ZNF112: variants seen among roughly 807,000 people sequenced by gnomAD.
ZNF112 encodes zinc finger protein 112, also known as zinc finger protein 112 (Y14).
In ZNF112, 37 loss-of-function variants were observed where a neutral mutation model predicts 77.7. The observed-to-expected ratio is 0.48, with a 90% CI of 0.37 to 0.63. The LOEUF is 0.63. ZNF112 is among the 20% of genes least tolerant of loss of function. ZNF112 has a pLI of 0.00. For missense variants in ZNF112, 950 were observed against 1,077.4 expected (o/e 0.88, Z 1.66); for synonymous variants, 333 against 363.6 (o/e 0.92, Z 0.96).
chr19:44,353,814 G>A (rs1970735588), intron 1 of ZNF112, among the ~76,000 whole-genome samples: 2 of 152,040 alleles, frequency 1.3e-5, no homozygotes, highest in Admixed American at 6.5e-5. Context: ...AGATACTACA[G>A]TTTGGCATCT....
intron 1 of ZNF112, chr19:44,341,267 T>C (rs1970484862): frequency 2.2e-6 from 1 of 449,408 alleles, no homozygotes; most frequent in South Asian, 1.6e-5. Context: ...AGAGAACTAA[T>C]GGTCTAGAAT....
chr19:44,357,937 G>C (rs1970811811), upstream of ZNF112, among the ~76,000 whole-genome samples: 1 of 151,966 alleles, frequency 6.6e-6, no homozygotes, highest in Admixed American at 6.6e-5. Flanking sequence ...ATGCTCACGG[G>C]GTCAGGAGAT....
At chr19:44,330,386 C>T (rs1008736875) in intron 3 of ZNF112, among the ~76,000 whole-genome samples, 2 of 152,192 alleles carry the variant, frequency 1.3e-5, no homozygotes, top group Non-Finnish European at 2.9e-5. Flanking sequence ...AAAATCAGGA[C>T]TTTGCAGCAC....
Position 44,336,721 on chromosome 19 carries a change from G to A in ZNF112, c.125-3C>T, listed in dbSNP as rs555984058. 1.0e-4 allele frequency: 162 copies of A among 1,613,582 alleles called. 2 individuals carry two copies. The highest frequency in any genetic ancestry group is 9.9e-4 in the Middle Eastern group (6 of 6,056). On this transcript the variant is annotated splice_polypyrimidine_tract_variant and splice_region_variant and intron_variant, in intron 2 of 3. Transcript: ENST00000354340. ...GTCTGGCTTGAAGGGCTGATGTGCT[G>A]TAAAGAAGGAAAGGACAGCAAAAGT...
At chr19:44,356,948 A>T (rs1184501477), upstream of ZNF112, among the ~76,000 whole-genome samples, 1 of 152,184 alleles carries the variant, frequency 6.6e-6, no homozygotes, top group African/African-American at 2.4e-5. Flanking sequence ...TTCCAAAGAC[A>T]GAGAGCTCGT....
At chr19:44,341,011 G>A (rs111315630) in intron 1 of ZNF112, among the ~76,000 whole-genome samples, 10 of 152,186 alleles carry the variant, frequency 6.6e-5, no homozygotes, top group African/African-American at 2.4e-4. Flanking sequence ...CAGCTCTGGA[G>A]CCTGACTGCC....
intron 1 of ZNF112, among the ~76,000 whole-genome samples, chr19:44,347,549 C>T (rs1187465174): frequency 5.2e-5 from 4 of 77,370 alleles, no homozygotes; most frequent in Non-Finnish European, 8.8e-5. Context: ...GCTATATGTC[C>T]TTTTTTTTTT....
chr19:44,332,241 G>A (rs890001007), intron 3 of ZNF112, among the ~76,000 whole-genome samples: 4 of 151,980 alleles, frequency 2.6e-5, no homozygotes, highest in Admixed American at 2.0e-4. Context: ...AATCTTACCC[G>A]TAAGCCCTAC....
intron 3 of ZNF112, among the ~76,000 whole-genome samples, chr19:44,334,195 C>T (rs991304928): frequency 1.3e-5 from 2 of 152,184 alleles, no homozygotes; most frequent in Admixed American, 1.3e-4. Flanking sequence ...TATGCCTCTG[C>T]TCCAAAGATC....
chr19:44,362,594 T>C (rs2571071), intron 1 of ZNF112, among the ~76,000 whole-genome samples: 1 of 151,554 alleles, frequency 6.6e-6, no homozygotes, highest in African/African-American at 2.4e-5. Flanking sequence ...TCAAGACATA[T>C]TACAGGCCTT....
At position 44,328,627 on chromosome 19, in the gene ZNF112, C is replaced by G. The variant is rs200140596; in HGVS notation, c.1530G>C (p.Gln510His). ...FNWSSKLKDH[Q>H]RVHTGQKPYK... is the part of the protein sequence containing the mutation. Reference sequence around the variant, plus strand: ...ATGGCTTCTGTCCAGTGTGGACTCTCTGATGATCTTTAAGTTTTGAGCTCC... The same window carrying G: ...ATGGCTTCTGTCCAGTGTGGACTCTGTGATGATCTTTAAGTTTTGAGCTCC... The change falls in exon 4 of 4, where the codon CAG (glutamine) becomes CAC (histidine). Residue 510 changes from glutamine to histidine, a missense_variant. By Grantham distance (24) the Gln-to-His change is conservative (BLOSUM62 0). This residue lies in a region of ZNF112 where 560 missense variants were observed against 557.3 expected (regional missense o/e 1.00). Coordinates refer to ENST00000354340, the MANE Select transcript of ZNF112 (RefSeq NM_013380.4). The G allele has an allele frequency of 5.0e-6, 8 of 1,614,130 alleles. No homozygotes were observed. The highest frequency in any genetic ancestry group is 1.7e-5 in the Admixed American group (1 of 60,014).
chr19:44,341,038 C>T (rs59957346), intron 1 of ZNF112: 19,765 of 418,486 alleles, frequency 0.047, 631 homozygotes, highest in South Asian at 0.067. Context: ...TGGATCTGGG[C>T]GCTCTGCCCA....
At chr19:44,352,377 A>G (rs1970709354) in intron 1 of ZNF112, among the ~76,000 whole-genome samples, 1 of 152,126 alleles carries the variant, frequency 6.6e-6, no homozygotes, top group African/African-American at 2.4e-5. Flanking sequence ...TCCACTCATG[A>G]CAGAACTTTT....
At chr19:44,345,919 T>C (rs1410185360) in intron 1 of ZNF112, among the ~76,000 whole-genome samples, 2 of 152,226 alleles carry the variant, frequency 1.3e-5, no homozygotes, top group Non-Finnish European at 2.9e-5. Context: ...TCAGGCTTTG[T>C]GGGTCACATG....
chr19:44,341,097 G>A (rs1970481258), intron 1 of ZNF112: 10 of 453,388 alleles, frequency 2.2e-5, no homozygotes, highest in Non-Finnish European at 3.5e-5. Flanking sequence ...TCATTTGTAT[G>A]GTGAAACTTA....
chr19:44,341,392 T>C (rs1970486853), intron 1 of ZNF112, among the ~76,000 whole-genome samples: 1 of 152,182 alleles, frequency 6.6e-6, no homozygotes, highest in Non-Finnish European at 1.5e-5. Flanking sequence ...GATTATCTCC[T>C]CAAAATAAAT....
At chr19:44,341,871 C>A (rs962449654) in intron 1 of ZNF112, among the ~76,000 whole-genome samples, 6 of 152,230 alleles carry the variant, frequency 3.9e-5, no homozygotes, top group Admixed American at 2.6e-4. Context: ...ACAGCTTCAG[C>A]TCTGAATGCA....
At chr19:44,335,447 AT>A (rs1394071841) in intron 3 of ZNF112, among the ~76,000 whole-genome samples, 2 of 152,214 alleles carry the variant, frequency 1.3e-5, no homozygotes, top group Admixed American at 1.3e-4. Context: ...TACATAACAA[AT>A]TTTTACATTA....
rs1970186480 is a variant in ZNF112 at position 44,328,606 on chromosome 19, C to CAGAGA, written c.1550_1551insTCTCT (p.Lys517AsnfsTer20). The CAGAGA allele has an allele frequency of 6.2e-7, 1 of 1,613,372 alleles. No homozygotes were observed. Among genetic ancestry groups the CAGAGA allele is most frequent in the African/African-American group, 1.3e-5 (1 of 74,710 alleles). On this transcript the variant is annotated frameshift_variant, in exon 4 of 4. Transcript: ENST00000354340. LOFTEE classifies it high-confidence loss of function. ...TGCCGCATATATTGCATTTGTATGG[C>CAGAGA]TTCTGTCCAGTGTGGACTCTCTGAT...
Sources: allele counts gnomAD v4.1 joint callset (sites outside exome capture counted in the v4.1 genomes callset), GRCh38; gene constraint gnomAD v4.1.1; regional missense constraint gnomAD v4.1.1; transcripts MANE v1.5; gene names NCBI Gene and HGNC (gene_info 2026-07-23, HGNC 2026-07-21).